The following PEAK1 variants were observed in gnomAD, a reference collection of about 807,000 sequenced individuals.
PEAK1 encodes the protein pseudopodium enriched atypical kinase 1, also known as inactive tyrosine-protein kinase PEAK1.
Under a neutral mutation model 124.7 loss-of-function variants are expected in PEAK1, and 54 were observed. The observed-to-expected ratio is 0.43, with a 90% CI of 0.35 to 0.54. PEAK1 has a LOEUF of 0.54. PEAK1 is among the 20% of genes least tolerant of loss of function. The pLI is 0.01. For synonymous variants in PEAK1, 719 were observed against 760.0 expected (o/e 0.95, Z 0.89); for missense variants, 2,046 against 2,134.5 (o/e 0.96, Z 0.82).
intron 1 of PEAK1, among the ~76,000 whole-genome samples, chr15:77,417,003 T>C (rs541239839): frequency 2.6e-5 from 4 of 152,304 alleles, no homozygotes; most frequent in East Asian, 1.9e-4. Context: ...TGGTATAAGA[T>C]GTACTTTCCC....
chr15:77,347,672 C>G (rs1412054018), intron 2 of PEAK1: 1 of 972,542 alleles, frequency 1.0e-6, no homozygotes, highest in Non-Finnish European at 1.2e-6. Context: ...AAAACAACAC[C>G]CTCCTAAAAC....
At chr15:77,334,419 G>T in intron 2 of PEAK1, 2 of 985,178 alleles carry the variant, frequency 2.0e-6, no homozygotes, top group Non-Finnish European at 2.4e-6. Flanking sequence ...CTCCCATCTT[G>T]CCAGGCTTCT....
intron 2 of PEAK1, among the ~76,000 whole-genome samples, chr15:77,314,647 T>A (rs1244268821): frequency 6.6e-6 from 1 of 152,116 alleles, no homozygotes; most frequent in Non-Finnish European, 1.5e-5. Flanking sequence ...AGATTACACA[T>A]GTGAGCCACT....
At chr15:77,126,341 A>C (rs1185537831) in intron 9 of PEAK1, among the ~76,000 whole-genome samples, 6 of 152,200 alleles carry the variant, frequency 3.9e-5, no homozygotes, top group Non-Finnish European at 8.8e-5. Context: ...TGGTTCCTTA[A>C]TATAAGGTAC....
Position 77,308,501 on chromosome 15 carries a change from A to G in PEAK1, c.-602-21997T>C, listed in dbSNP as rs77381846. Among the ~76,000 whole-genome samples the G allele has an allele frequency of 4.9e-3, 752 of 152,182 alleles. 14 individuals carry two copies. The highest frequency in any genetic ancestry group is 0.017 in the African/African-American group (716 of 41,560). On this transcript the variant is annotated intron_variant, in intron 2 of 9. Transcript: ENST00000682557. The stretch of plus-strand genomic sequence containing the variant: ...CCCTTCTGATCACATTCCAGTTAAT[A>G]AATTTCAGTTATGTATGCTTCTCCC...
chr15:77,238,546 T>G (rs2060222182), intron 6 of PEAK1, among the ~76,000 whole-genome samples: 1 of 152,212 alleles, frequency 6.6e-6, no homozygotes, highest in Non-Finnish European at 1.5e-5. Flanking sequence ...TTTGGTACTC[T>G]CCTTCATGAT....
chr15:77,124,261 T>C (rs2052178956), intron 9 of PEAK1, among the ~76,000 whole-genome samples: 1 of 152,258 alleles, frequency 6.6e-6, no homozygotes, highest in South Asian at 2.1e-4. Context: ...CTTTTCCCAC[T>C]TTGCAGACTC....
Position 77,133,394 on chromosome 15 carries a change from A to AG in PEAK1, c.3687dup (p.Ser1230LeufsTer15), listed in dbSNP as rs1244800771. On this transcript the variant is annotated frameshift_variant, in exon 9 of 10. Coordinates refer to ENST00000682557, the MANE Select transcript of PEAK1 (RefSeq NM_001385026.1). LOFTEE classifies it high-confidence loss of function. This position sits in a 1 kb window ranked among gnomAD's most constrained non-coding sequence, Gnocchi z 4.2. ...AAGCTGGAAATGCTGTTTGCTGCTG[A>AG]GGGGACAGGTCTCTCCTTGCGCAAA... 1 of 1,614,230 alleles carries AG rather than the reference A, an allele frequency of 6.2e-7. No homozygotes were observed.
chr15:77,401,164 G>C (rs1347684376), intron 1 of PEAK1, among the ~76,000 whole-genome samples: 1 of 152,092 alleles, frequency 6.6e-6, no homozygotes, highest in Non-Finnish European at 1.5e-5. Context: ...AAGTAGGCTG[G>C]ATACTACAAA....
chr15:77,104,300 TGTTA>T (rs2050724753), downstream of PEAK1: 1 of 152,720 alleles, frequency 6.5e-6, no homozygotes, highest in African/African-American at 2.4e-5. Flanking sequence ...CCTCTCTTCC[TGTTA>T]GTTGAGTCAG....
chr15:77,257,215 G>C (rs2061199305), intron 5 of PEAK1, among the ~76,000 whole-genome samples: 1 of 152,002 alleles, frequency 6.6e-6, no homozygotes. Context: ...ATAGCAGCAT[G>C]ATTTATAGTC....
chr15:77,310,825 A>T (rs12912482), intron 2 of PEAK1, among the ~76,000 whole-genome samples: 1 of 152,186 alleles, frequency 6.6e-6, no homozygotes, highest in East Asian at 1.9e-4. Flanking sequence ...TAAATGTTTC[A>T]GACAGGGGAA....
At chr15:77,215,489 C>T (rs866077850) in intron 6 of PEAK1, among the ~76,000 whole-genome samples, 10 of 152,266 alleles carry the variant, frequency 6.6e-5, no homozygotes, top group Middle Eastern at 3.4e-3. Context: ...TGCACACTCT[C>T]GTATACTTTA....
At chr15:77,202,879 A>G (rs1360734175) in intron 6 of PEAK1, among the ~76,000 whole-genome samples, 1 of 151,922 alleles carries the variant, frequency 6.6e-6, no homozygotes, top group Non-Finnish European at 1.5e-5. Context: ...TCTACCAAAA[A>G]TACAAAAATT....
At chr15:77,267,837 C>A (rs1347590000) in intron 5 of PEAK1, among the ~76,000 whole-genome samples, 1 of 152,024 alleles carries the variant, frequency 6.6e-6, no homozygotes, top group Non-Finnish European at 1.5e-5. Context: ...CACTAACTCA[C>A]CAGCAATGGA....
intron 5 of PEAK1, among the ~76,000 whole-genome samples, chr15:77,253,245 T>G (rs2864083): frequency 0.62 from 77,349 of 125,316 alleles, 25,060 homozygotes; most frequent in Non-Finnish European, 0.73. Flanking sequence ...TGGTATGCGT[T>G]GGGGGGGGGG....
chr15:77,357,649 T>C (rs186222313), intron 2 of PEAK1, among the ~76,000 whole-genome samples: 8 of 152,372 alleles, frequency 5.3e-5, no homozygotes, highest in Admixed American at 4.6e-4. Flanking sequence ...TTGATGCATA[T>C]GTATGTTTGC....
Position 77,133,168 on chromosome 15 carries a change from C to G in PEAK1, c.3914G>C (p.Cys1305Ser), listed in dbSNP as rs781290090. ...CTGCCCAGCCATGAAAAGGTCTTCG[C>G]ATTTAACAGCCAGTTTCTTCAAGGC... The part of the protein sequence containing the change: ...TDALKKLAVK[C>S]EDLFMAGQKD... Residue 1305 changes from cysteine (C) to serine (S), a missense_variant, in exon 9 of 10, where the codon TGC becomes TCC. Physicochemically the swap from Cys to Ser is moderately radical, Grantham distance 112. Coordinates refer to ENST00000682557, the MANE Select transcript of PEAK1 (RefSeq NM_001385026.1). The surrounding 1 kb of genome is among the most constrained non-coding windows in gnomAD (Gnocchi z 4.2). 2 of 1,614,214 alleles carry G rather than the reference C, an allele frequency of 1.2e-6. No homozygotes were observed. The highest frequency in any genetic ancestry group is 2.7e-5 in the African/African-American group (2 of 75,046).
chr15:77,418,190 G>C (rs2073046419), intron 1 of PEAK1: 2 of 985,238 alleles, frequency 2.0e-6, no homozygotes, highest in Non-Finnish European at 2.4e-6. Flanking sequence ...ATAGTTCAAA[G>C]TGATCTTATC....
Sources: allele counts gnomAD v4.1 joint callset (sites outside exome capture counted in the v4.1 genomes callset), GRCh38; gene constraint gnomAD v4.1.1; non-coding constraint Gnocchi (gnomAD v3.1); transcripts MANE v1.5; gene names NCBI Gene and HGNC (gene_info 2026-07-23, HGNC 2026-07-21).